ANO4: variants seen among roughly 807,000 people sequenced by gnomAD.
ANO4 encodes anoctamin 4, also known as anoctamin-4.
Under a neutral mutation model 141.9 loss-of-function variants are expected in ANO4, and 69 were observed. That is an observed-to-expected ratio of 0.49 (90% CI 0.40 to 0.59). The LOEUF (loss-of-function observed/expected upper bound fraction) is 0.59, where lower values mean the gene tolerates loss of function less well. Among genes scored for constraint, ANO4 ranks in the 20% least tolerant of loss-of-function variants. The pLI is 0.00. For missense variants in ANO4, 894 were observed against 1,162.2 expected, an observed-to-expected ratio of 0.77 and a Z score of 3.36; for synonymous variants, 350 against 394.3, an observed-to-expected ratio of 0.89 and a Z score of 1.33.
intron 3 of ANO4, among the ~76,000 whole-genome samples, chr12:100,757,740 G>C (rs1046174636): frequency 3.9e-5 from 6 of 152,168 alleles, no homozygotes; most frequent in Non-Finnish European, 7.3e-5. Flanking sequence ...TATAAAATGG[G>C]AACAGTACCA....
intron 3 of ANO4, among the ~76,000 whole-genome samples, chr12:100,746,402 G>A (rs145997309): frequency 1.2e-3 from 176 of 149,816 alleles, no homozygotes; most frequent in African/African-American, 4.1e-3. Context: ...GCAGTGAGCT[G>A]AGTTGGTGCC....
At chr12:101,102,447 A>G (rs2050228235) in intron 22 of ANO4, among the ~76,000 whole-genome samples, 1 of 152,200 alleles carries the variant, frequency 6.6e-6, no homozygotes, top group South Asian at 2.1e-4. Flanking sequence ...TTTTAACTTG[A>G]AATTTTATGA....
chr12:100,839,087 A>G (rs968567346), intron 1 of ANO4, among the ~76,000 whole-genome samples: 7 of 152,000 alleles, frequency 4.6e-5, no homozygotes, highest in Admixed American at 3.9e-4. Context: ...TTCTGAATTG[A>G]TTCTCCTAAG....
intron 3 of ANO4, among the ~76,000 whole-genome samples, chr12:100,753,352 C>T (rs909115003): frequency 6.6e-6 from 1 of 152,208 alleles, no homozygotes; most frequent in East Asian, 1.9e-4. Flanking sequence ...CGTACATGAT[C>T]TCTTTCACCC....
At chr12:101,091,481 T>A (rs1447008518) in intron 17 of ANO4, among the ~76,000 whole-genome samples, 10 of 152,130 alleles carry the variant, frequency 6.6e-5, no homozygotes, top group Admixed American at 3.9e-4. Flanking sequence ...CTTAAAAAAA[T>A]TTTAAGTCGT....
At chr12:100,854,204 A>T (rs941881298) in intron 1 of ANO4, among the ~76,000 whole-genome samples, 5 of 152,108 alleles carry the variant, frequency 3.3e-5, no homozygotes, top group African/African-American at 1.2e-4. Context: ...ATCTTTTTGG[A>T]TGTCCTTAGG....
chr12:100,806,526 T>G (rs1167973183), intron 1 of ANO4, among the ~76,000 whole-genome samples: 2 of 26,256 alleles, frequency 7.6e-5, no homozygotes, highest in South Asian at 1.7e-3. Flanking sequence ...TTTGTTTCGT[T>G]TTTTTTTTTT....
chr12:100,806,954 T>A (rs551335010), intron 1 of ANO4, among the ~76,000 whole-genome samples: 1 of 152,148 alleles, frequency 6.6e-6, no homozygotes, highest in Non-Finnish European at 1.5e-5. Flanking sequence ...TGAGGCATAA[T>A]AAATTTTTAT....
chr12:101,095,725 C>T (rs985912882), intron 18 of ANO4, among the ~76,000 whole-genome samples: 1 of 152,186 alleles, frequency 6.6e-6, no homozygotes, highest in Admixed American at 6.5e-5. Flanking sequence ...CAAAATGCTA[C>T]TGTATTAAAT....
rs568975536 is a variant in ANO4, at chr12:101,110,640, T to G, written c.2302+84T>G. The G allele has an allele frequency of 1.9e-4, 231 of 1,216,338 alleles. 2 individuals are homozygous for G. Among genetic ancestry groups the G allele is most frequent in the South Asian group, 1.2e-3 (50 of 40,800 alleles). 75.3% of individuals were successfully genotyped at this position (1,216,338 alleles called of 1,614,324 possible). A position where few individuals can be genotyped will look rare whatever the true frequency, so the allele number is the denominator to read the frequency against. ...TTAAAAGCCACAAACTTTAGATTTT[T>G]AATTATGTTTTCCATTTAATATAAT... is the stretch of plus-strand genomic sequence containing the variant. On this transcript the variant is annotated intron_variant, in intron 23 of 27. Coordinates refer to ENST00000392977, the MANE Select transcript of ANO4 (RefSeq NM_001286615.2).
At chr12:100,725,379 CT>C (rs2031068391) in intron 1 of ANO4, among the ~76,000 whole-genome samples, 2 of 137,918 alleles carry the variant, frequency 1.5e-5, no homozygotes, top group Non-Finnish European at 3.1e-5. Context: ...CGGAGTCTCA[CT>C]CTGTCACCCA....
intron 5 of ANO4, among the ~76,000 whole-genome samples, chr12:100,955,487 A>G (rs988538189): frequency 1.3e-5 from 2 of 152,328 alleles, no homozygotes; most frequent in African/African-American, 4.8e-5. Context: ...TAGCCCTAGA[A>G]GCATTTATTC....
chr12:101,088,943 A>G (rs1013314081), intron 17 of ANO4, among the ~76,000 whole-genome samples: 1 of 152,128 alleles, frequency 6.6e-6, no homozygotes, highest in African/African-American at 2.4e-5. Flanking sequence ...AATAAGTAAA[A>G]CAATGTACAT....
intron 2 of ANO4, among the ~76,000 whole-genome samples, chr12:100,908,891 T>A (rs1184898693): frequency 1.3e-5 from 2 of 152,226 alleles, no homozygotes; most frequent in Non-Finnish European, 2.9e-5. Context: ...AGTATGTTTA[T>A]CCTCCTTTGA....
intron 19 of ANO4, 113 bp from the exon 20 acceptor site, chr12:101,097,538 T>A (rs1430201231): frequency 9.9e-7 from 1 of 1,012,376 alleles, no homozygotes; most frequent in African/African-American, 1.6e-5. Context: ...CCCCCAGACC[T>A]ACTACTTATA....
intron 1 of ANO4, among the ~76,000 whole-genome samples, chr12:100,892,681 T>A (rs2040162786): frequency 6.6e-6 from 1 of 152,202 alleles, no homozygotes; most frequent in South Asian, 2.1e-4. Flanking sequence ...CTTTAAATAA[T>A]CTCTAGATTA....
intron 1 of ANO4, among the ~76,000 whole-genome samples, chr12:100,827,675 T>G (rs956949852): frequency 6.6e-6 from 1 of 151,948 alleles, no homozygotes; most frequent in Non-Finnish European, 1.5e-5. Flanking sequence ...TATATTAGAT[T>G]ATAATCATTT....
chr12:100,799,867 T>A (rs949067610), intron 1 of ANO4, among the ~76,000 whole-genome samples: 4 of 152,126 alleles, frequency 2.6e-5, no homozygotes, highest in Admixed American at 2.6e-4. Flanking sequence ...GACTTTAGTG[T>A]AAGGTGCATT....
chr12:100,872,257 A>T (rs564236267), intron 1 of ANO4, among the ~76,000 whole-genome samples: 1 of 152,140 alleles, frequency 6.6e-6, no homozygotes, highest in South Asian at 2.1e-4. Flanking sequence ...CTTTCCTAAG[A>T]TAGACATAAT....
Sources: allele counts gnomAD v4.1 joint callset (sites outside exome capture counted in the v4.1 genomes callset), GRCh38; gene constraint gnomAD v4.1.1; transcripts MANE v1.5; gene names NCBI Gene and HGNC (gene_info 2026-07-23, HGNC 2026-07-21).